Variants in DSEL observed in about 807,000 individuals in gnomAD.
DSEL encodes the protein dermatan-sulfate epimerase-like protein.
Under a neutral mutation model 96.6 loss-of-function variants are expected in DSEL, and 61 were observed. The ratio of observed to expected loss-of-function variants is 0.63; its 90% CI spans 0.51 to 0.78. The LOEUF (loss-of-function observed/expected upper bound fraction) is 0.78. DSEL is among the 30% of genes least tolerant of loss of function. DSEL has a pLI of 0.00. For synonymous variants in DSEL, 514 were observed against 502.0 expected (o/e 1.02, Z -0.32); for missense variants, 1,320 against 1,430.8 (o/e 0.92, Z 1.25).
rs755945574 is a variant in DSEL, at chr18:67,511,378, A to G, written c.3231T>C (p.Tyr1077=). 2 of 1,603,296 alleles carry G rather than the reference A, an allele frequency of 1.2e-6. No homozygotes were observed. The highest frequency in any genetic ancestry group is 1.7e-5 in the Admixed American group (1 of 60,028). The change falls in exon 2 of 2, where the codon TAT becomes TAC. Residue 1077 remains tyrosine (Y), a synonymous_variant. Transcript: ENST00000310045. The part of the protein sequence containing the change: ...GKGKCNLNSG[Y]AFEYEPLRKE... The stretch of plus-strand genomic sequence containing the variant: ...TCCTCAATGGTTCATACTCGAAAGC[A>G]TAACCCGAATTTAAGTTACATTTGC...
chr18:67,512,891 A>C lies in DSEL; in HGVS notation c.1718T>G (p.Leu573Trp). The C allele has an allele frequency of 6.2e-7, 1 of 1,614,218 alleles. No individual in the cohort carries two copies. The highest frequency in any genetic ancestry group is 8.5e-7 in the Non-Finnish European group (1 of 1,180,044). The part of the protein sequence containing the change: ...AMRLKSVYRA[L>W]LLLNSQTLLV... ...CAGAGTTTGGGAATTTAAGAGAAGC[A>C]AAGCACGATATACACTTTTCAGTCT... Residue 573 changes from leucine to tryptophan, a missense_variant, in exon 2 of 2, where the codon TTG becomes TGG. Leu to Trp is a moderately conservative substitution (Grantham distance 61, BLOSUM62 -2). Around this residue, in one of 3 missense-constraint regions of DSEL, gnomAD observed 986 missense variants for 1,066.4 expected, o/e 0.92. Coordinates refer to ENST00000310045, the MANE Select transcript of DSEL (RefSeq NM_032160.3).
chr18:67,512,368 T>C lies in DSEL; in HGVS notation c.2241A>G (p.Arg747=), dbSNP rs746898969. Residue 747 remains arginine, a synonymous_variant, in exon 2 of 2, where the codon CGA becomes CGG. Transcript: ENST00000310045. The part of the protein sequence containing the change: ...ASVADQGQIT[R]FGLGTQAIVK... ...CTATTGCTTGAGTGCCCAAACCAAATCGGGTTATTTGGCCTTGATCAGCCA... is the reference window on the plus strand; with the variant it reads ...CTATTGCTTGAGTGCCCAAACCAAACCGGGTTATTTGGCCTTGATCAGCCA... 1.2e-6 allele frequency: 2 copies of C among 1,614,126 alleles called. No individual in the cohort carries two copies.
At position 67,513,070 on chromosome 18, in the gene DSEL, C is replaced by A. The variant is rs751165552; in HGVS notation, c.1539G>T (p.Lys513Asn). 2.4e-5 allele frequency: 38 copies of A among 1,614,066 alleles called. No individual in the cohort carries two copies. The highest frequency in any genetic ancestry group is 1.6e-4 in the Middle Eastern group (1 of 6,084). The change falls in exon 2 of 2, where the codon AAG (lysine) becomes AAT (asparagine). Residue 513 changes from lysine to asparagine, a missense_variant. This residue lies in a region of DSEL where 986 missense variants were observed against 1,066.4 expected (regional missense o/e 0.92). Coordinates refer to ENST00000310045, the MANE Select transcript of DSEL (RefSeq NM_032160.3). The stretch of plus-strand genomic sequence containing the variant: ...ATTCTCCCAGTTGACCTTCCCAGGG[C>A]TTATTACACTGGCTTGAGGGTGATG... ...FAPSPSSQCN[K>N]PWEGQLGECA...
chr18:67,512,424 T>C lies in DSEL; in HGVS notation c.2185A>G (p.Asn729Asp), dbSNP rs754449236. The change falls in exon 2 of 2, where the codon AAT (asparagine) becomes GAT (aspartate). Residue 729 changes from asparagine (N) to aspartate (D), a missense_variant. Physicochemically the swap from Asn to Asp is conservative, Grantham distance 23 (BLOSUM62 1). Transcript: ENST00000310045. ...GCAAAGCCACCGAATCCCAGATAATTGAATCTTGTCTTCAGGTTATGGTAA... is the reference window on the plus strand; with the variant it reads ...GCAAAGCCACCGAATCCCAGATAATCGAATCTTGTCTTCAGGTTATGGTAA... ...TDYHNLKTRF[N>D]YLGFGGFASV... 11 of 1,614,068 alleles carry C rather than the reference T, an allele frequency of 6.8e-6. No homozygotes were observed. The African/African-American group carries it at 1.5e-4, about 22-fold the overall frequency.
rs1055678408 is a variant in DSEL at position 67,510,207 on chromosome 18, G to C, written c.*763C>G. The C allele has an allele frequency of 6.6e-6, 1 of 152,214 alleles. No homozygotes were observed. Among genetic ancestry groups the C allele is most frequent in the African/African-American group, 2.4e-5 (1 of 41,448 alleles). 9.4% of individuals were successfully genotyped at this position (152,214 alleles called of 1,614,324 possible). ...AGTGATGTGATGGCGAACAGCTGTA[G>C]CTCCAGGGAGGATAAAAAGTGAAAG... On this transcript the variant is annotated 3_prime_UTR_variant, in exon 2 of 2. Transcript: ENST00000310045.
Position 67,514,117 on chromosome 18 carries a change from T to C in DSEL, c.492A>G (p.Pro164=), listed in dbSNP as rs538894076. ...GYKDWLVENA[P]GDEVPIGHSL... ...AATGGCCAATTGGAACCTCATCTCC[T>C]GGTGCATTCTCTACTAGCCAGTCTT... Residue 164 remains proline (P), a synonymous_variant, in exon 2 of 2, where the codon CCA becomes CCG. Coordinates refer to ENST00000310045, the MANE Select transcript of DSEL (RefSeq NM_032160.3). The C allele has an allele frequency of 9.3e-6, 15 of 1,614,240 alleles. No individual in the cohort carries two copies. The highest frequency in any genetic ancestry group is 5.0e-5 in the Admixed American group (3 of 60,034).
rs2089467561 is a variant in DSEL, at chr18:67,514,999, A to G, written c.-391T>C. ...GTAAAAAAAGAGAAAAAGCACTCCAAAATTCAAATTAAGAGTCATTTCTAG... is the reference window on the plus strand; with the variant it reads ...GTAAAAAAAGAGAAAAAGCACTCCAGAATTCAAATTAAGAGTCATTTCTAG... On this transcript the variant is annotated 5_prime_UTR_variant, in exon 2 of 2. Coordinates refer to ENST00000310045, the MANE Select transcript of DSEL (RefSeq NM_032160.3). 1 of 214,848 alleles carries G rather than the reference A, an allele frequency of 4.7e-6. No individual in the cohort carries two copies. The highest frequency in any genetic ancestry group is 2.3e-5 in the African/African-American group (1 of 43,220). 13.3% of individuals were successfully genotyped at this position (214,848 alleles called of 1,614,324 possible).
At position 67,511,021 on chromosome 18, in the gene DSEL, G is replaced by A; in HGVS notation, c.3588C>T (p.Asn1196=). 2 of 1,611,686 alleles carry A rather than the reference G, an allele frequency of 1.2e-6. No individual in the cohort carries two copies. The highest frequency in any genetic ancestry group is 1.7e-6 in the Non-Finnish European group (2 of 1,179,230). The change falls in exon 2 of 2, where the codon AAC becomes AAT. Residue 1196 remains asparagine (N), a synonymous_variant. Coordinates refer to ENST00000310045, the MANE Select transcript of DSEL (RefSeq NM_032160.3). Reference sequence around the variant, plus strand: ...GGCGATCCATCAGAGTCCAGCAGATGTTTTCAATTAGTTTAATTTCATCTC... The same window carrying A: ...GGCGATCCATCAGAGTCCAGCAGATATTTTCAATTAGTTTAATTTCATCTC... ...LPRDEIKLIE[N]ICWTLMDRLG...
In DSEL at chr18:67,512,389, A is replaced by G. The variant is rs550500430; in HGVS notation, c.2220T>C (p.Ala740=). Reference sequence around the variant, plus strand: ...CAAATCGGGTTATTTGGCCTTGATCAGCCACACTGGCAAAGCCACCGAATC... The same window carrying G: ...CAAATCGGGTTATTTGGCCTTGATCGGCCACACTGGCAAAGCCACCGAATC... ...YLGFGGFASV[A]DQGQITRFGL... is the part of the protein sequence containing the mutation. The change falls in exon 2 of 2, where the codon GCT becomes GCC. Residue 740 remains alanine (A), a synonymous_variant. Coordinates refer to ENST00000310045, the MANE Select transcript of DSEL (RefSeq NM_032160.3). 1 of 1,614,198 alleles carries G rather than the reference A, an allele frequency of 6.2e-7. No homozygotes were observed. Among genetic ancestry groups the G allele is most frequent in the East Asian group, 2.2e-5 (1 of 44,878 alleles).
rs2089417601 is a variant in DSEL at position 67,507,622 on chromosome 18, G to A, written c.*3348C>T. The A allele has an allele frequency of 6.6e-6, 1 of 152,174 alleles. No individual in the cohort carries two copies. Among genetic ancestry groups the A allele is most frequent in the African/African-American group, 2.4e-5 (1 of 41,434 alleles). 9.4% of individuals were successfully genotyped at this position (152,174 alleles called of 1,614,324 possible). A position where few individuals can be genotyped will look rare whatever the true frequency, so the allele number is the denominator to read the frequency against. On this transcript the variant is annotated 3_prime_UTR_variant, in exon 2 of 2. Coordinates refer to ENST00000310045, the MANE Select transcript of DSEL (RefSeq NM_032160.3). ...CAATTATGCCAACCAAAAGTAAGTG[G>A]TGGAGGAGGTTCTTCTTTGAATACA...
chr18:67,512,269 C>T lies in DSEL; in HGVS notation c.2340G>A (p.Leu780=), dbSNP rs199657914. 1.2e-6 allele frequency: 2 copies of T among 1,614,014 alleles called. No homozygotes were observed. Among genetic ancestry groups the T allele is most frequent in the East Asian group, 2.2e-5 (1 of 44,890 alleles). The stretch of plus-strand genomic sequence containing the variant: ...AAGTTAAAATCACCAAGCTAATGCA[C>T]AAAATTAATCCAACTGCTATATTAA... ...FKFNIAVGLI[L]CISLVILTFQ... Residue 780 remains leucine (L), a synonymous_variant, in exon 2 of 2, where the codon TTG becomes TTA. Transcript: ENST00000310045.
Position 67,513,124 on chromosome 18 carries a change from G to T in DSEL, c.1485C>A (p.Ser495Arg). 1 of 1,614,128 alleles carries T rather than the reference G, an allele frequency of 6.2e-7. No individual in the cohort carries two copies. The highest frequency in any genetic ancestry group is 8.5e-7 in the Non-Finnish European group (1 of 1,180,024). ...CAAACACCAATACATTGTTAAGGTG[G>T]CTCAACTTGGGTCCATAGAGAGCTT... Reference protein sequence around the residue: ...VSEALYGPKLSHLNNVLVFAP... With the variant: ...VSEALYGPKLRHLNNVLVFAP... Residue 495 changes from serine to arginine, a missense_variant, in exon 2 of 2, where the codon AGC becomes AGA. By Grantham distance (110) the Ser-to-Arg change is moderately radical. This residue lies in a region of DSEL where 986 missense variants were observed against 1,066.4 expected (regional missense o/e 0.92). Coordinates refer to ENST00000310045, the MANE Select transcript of DSEL (RefSeq NM_032160.3).
Position 67,512,070 on chromosome 18 carries a change from C to T in DSEL, c.2539G>A (p.Gly847Arg). 2 of 1,614,128 alleles carry T rather than the reference C, an allele frequency of 1.2e-6. No individual in the cohort carries two copies. The highest frequency in any genetic ancestry group is 1.7e-6 in the Non-Finnish European group (2 of 1,180,020). The change falls in exon 2 of 2, where the codon GGG (glycine) becomes AGG (arginine). Residue 847 changes from glycine to arginine, a missense_variant. Physicochemically the swap from Gly to Arg is moderately radical, Grantham distance 125. Around this residue, in one of 3 missense-constraint regions of DSEL, gnomAD observed 986 missense variants for 1,066.4 expected, o/e 0.92. Coordinates refer to ENST00000310045, the MANE Select transcript of DSEL (RefSeq NM_032160.3). ...EGSKKSLSSE[G>R]HHMDLPDVVI... is the part of the protein sequence containing the mutation. ...ACATCAGGAAGATCCATGTGGTGCCCTTCAGAAGACAAAGACTTCTTGCTT... is the reference window on the plus strand; with the variant it reads ...ACATCAGGAAGATCCATGTGGTGCCTTTCAGAAGACAAAGACTTCTTGCTT...
rs1041947920 is a variant in DSEL at position 67,507,274 on chromosome 18, T to A, written c.*3696A>T. 3.7e-4 allele frequency: 49 copies of A among 133,276 alleles called. No individual in the cohort carries two copies. Among genetic ancestry groups the A allele is most frequent in the African/African-American group, 1.3e-3 (44 of 34,434 alleles). 8.3% of individuals were successfully genotyped at this position (133,276 alleles called of 1,614,324 possible). Reference sequence around the variant, plus strand: ...ACGTAGGAGAATCACTTGAACCCGGTAGGCGGAGGTTGCAGTGAGCCGAGA... The same window carrying A: ...ACGTAGGAGAATCACTTGAACCCGGAAGGCGGAGGTTGCAGTGAGCCGAGA... On this transcript the variant is annotated 3_prime_UTR_variant, in exon 2 of 2. Coordinates refer to ENST00000310045, the MANE Select transcript of DSEL (RefSeq NM_032160.3).
At position 67,511,504 on chromosome 18, in the gene DSEL, T is replaced by C. The variant is rs778238479; in HGVS notation, c.3105A>G (p.Ala1035=). ...TATTGTACAACATTGAATAAATCCA[T>C]GCCCGAGGGTCTCTTACTATGTACA... ...RALYIVRDPR[A]WIYSMLYNSK... is the part of the protein sequence containing the mutation. Residue 1035 remains alanine, a synonymous_variant, in exon 2 of 2, where the codon GCA becomes GCG. Coordinates refer to ENST00000310045, the MANE Select transcript of DSEL (RefSeq NM_032160.3). 1 of 1,613,356 alleles carries C rather than the reference T, an allele frequency of 6.2e-7. No individual in the cohort carries two copies. The highest frequency in any genetic ancestry group is 1.7e-5 in the Admixed American group (1 of 60,026).
rs1182961079 is a variant in DSEL, at chr18:67,511,648, A to G, written c.2961T>C (p.Ala987=). The G allele has an allele frequency of 6.2e-7, 1 of 1,614,158 alleles. No homozygotes were observed. Among genetic ancestry groups the G allele is most frequent in the Non-Finnish European group, 8.5e-7 (1 of 1,180,030 alleles). The change falls in exon 2 of 2, where the codon GCT becomes GCC. Residue 987 remains alanine (A), a synonymous_variant. Transcript: ENST00000310045. ...GATAGTAAACCAGGTGTCTCCTCAA[A>G]GCCCTAATATATTCAGCATCTCTAT... ...AFDRDAEYIR[A]LRRHLVYYPS...
Position 67,513,941 on chromosome 18 carries a change from T to C in DSEL, c.668A>G (p.Asn223Ser). 6.2e-7 allele frequency: 1 copy of C among 1,614,202 alleles called. No homozygotes were observed. Among genetic ancestry groups the C allele is most frequent in the Non-Finnish European group, 8.5e-7 (1 of 1,180,030 alleles). Reference sequence around the variant, plus strand: ...TGCTATCATATTAGTGGCTTGGTGGTTATGGAGAAGCTGTTTGCCCCATGA... The same window carrying C: ...TGCTATCATATTAGTGGCTTGGTGGCTATGGAGAAGCTGTTTGCCCCATGA... ...VRSWGKQLLH[N>S]HQATNMIALL... Residue 223 changes from asparagine to serine, a missense_variant, in exon 2 of 2, where the codon AAC (asparagine) becomes AGC (serine). By Grantham distance (46) the Asn-to-Ser change is conservative. This residue lies in a region of DSEL where 323 missense variants were observed against 333.1 expected (regional missense o/e 0.97). Coordinates refer to ENST00000310045, the MANE Select transcript of DSEL (RefSeq NM_032160.3).
At chr18:67,515,972 T>C (rs145531395) in intron 1 of DSEL, among the ~76,000 whole-genome samples, 2,126 of 151,074 alleles carry the variant, frequency 0.014, 50 homozygotes, top group African/African-American at 0.049. Flanking sequence ...ATCTTCCTAA[T>C]GAGAACTACT....
chr18:67,514,942 T>C lies in DSEL; in HGVS notation c.-334A>G. 1 of 327,522 alleles carries C rather than the reference T, an allele frequency of 3.1e-6. No individual in the cohort carries two copies. The allele number at this position is 327,522 out of a possible 1,614,324, so 20.3% of individuals were successfully genotyped here. ...TTAGCATTTACCTCCTTTACTTAAA[T>C]CTATTTAACACAAAGAGTTGGAACA... On this transcript the variant is annotated 5_prime_UTR_variant, in exon 2 of 2. Transcript: ENST00000310045.
Sources: allele counts gnomAD v4.1 joint callset (sites outside exome capture counted in the v4.1 genomes callset), GRCh38; gene constraint gnomAD v4.1.1; regional missense constraint gnomAD v4.1.1; transcripts MANE v1.5; gene names NCBI Gene and HGNC (gene_info 2026-07-23, HGNC 2026-07-21).